RASSF3: variants seen among roughly 807,000 people sequenced by gnomAD.
The protein encoded by RASSF3 is Ras association domain family member 3.
RASSF3 carries 19 observed loss-of-function variants against 19.9 expected under a neutral mutation model. The ratio of observed to expected loss-of-function variants is 0.96; its 90% CI spans 0.67 to 1.40. The LOEUF (loss-of-function observed/expected upper bound fraction) is 1.40, where lower values mean the gene tolerates loss of function less well. Among genes scored for constraint, RASSF3 ranks in the 40% most tolerant of loss-of-function variants. The pLI, the probability that RASSF3 is intolerant of heterozygous loss-of-function variation, is 0.00. For synonymous variants in RASSF3, 110 were observed against 104.2 expected, an observed-to-expected ratio of 1.06 and a Z score of -0.34; for missense variants, 306 against 289.8, an observed-to-expected ratio of 1.06 and a Z score of -0.41.
intron 1 of RASSF3, among the ~76,000 whole-genome samples, chr12:64,509,762 CT>C (rs1261781223): frequency 6.6e-6 from 1 of 152,054 alleles, no homozygotes; most frequent in African/African-American, 2.4e-5. Context: ...TTCCAACAAT[CT>C]TTTTACTTAT....
At chr12:64,607,575 A>C (rs1366612429), upstream of RASSF3, among the ~76,000 whole-genome samples, 1 of 151,990 alleles carries the variant, frequency 6.6e-6, no homozygotes, top group Non-Finnish European at 1.5e-5. Context: ...GGGTTTCACC[A>C]TGTTGGTCAG....
intron 2 of RASSF3, among the ~76,000 whole-genome samples, chr12:64,572,690 G>A (rs1476297952): frequency 1.3e-5 from 2 of 152,100 alleles, no homozygotes; most frequent in East Asian, 1.9e-4. Flanking sequence ...ATGTACGAAC[G>A]AAGCTTGAAG....
At chr12:64,620,691 A>C (rs934699207) in intron 1 of RASSF3, among the ~76,000 whole-genome samples, 1 of 152,152 alleles carries the variant, frequency 6.6e-6, no homozygotes, top group African/African-American at 2.4e-5. Flanking sequence ...ACTAATAAAT[A>C]CCTTGAGCAT....
At chr12:64,549,669 T>C (rs2136120177) in intron 2 of RASSF3, among the ~76,000 whole-genome samples, 1 of 152,208 alleles carries the variant, frequency 6.6e-6, no homozygotes, top group East Asian at 1.9e-4. Flanking sequence ...TGGGGGGTGT[T>C]GACATGGCGG....
upstream of RASSF3, among the ~76,000 whole-genome samples, chr12:64,530,880 GT>G (rs1316323779): frequency 6.6e-6 from 1 of 152,062 alleles, no homozygotes; most frequent in Non-Finnish European, 1.5e-5. Context: ...TGTGAAGTCT[GT>G]TTATGTATTT....
Position 64,568,419 on chromosome 12 carries a change from T to C in RASSF3, c.294+26714T>C, listed in dbSNP as rs184677991. On this transcript the variant is annotated intron_variant, in intron 2 of 5. Transcript: ENST00000637125. ...GTTTATTTGAACCATTTGTTTGCCT[T>C]TCTTCTATTACAACAGAGGCCTTGA... is the stretch of plus-strand genomic sequence containing the variant. 2.6e-4 allele frequency among the ~76,000 whole-genome samples: 39 copies of C among 152,326 alleles called. 1 individual carries two copies. Among genetic ancestry groups the C allele is most frequent in the Admixed American group, 3.3e-4 (5 of 15,292 alleles).
At chr12:64,597,859 C>G (rs1379025143) in intron 2 of RASSF3, among the ~76,000 whole-genome samples, 1 of 152,136 alleles carries the variant, frequency 6.6e-6, no homozygotes, top group East Asian at 1.9e-4. Context: ...TCTTACGTAT[C>G]CTTCTCCTTT....
intron 1 of RASSF3, among the ~76,000 whole-genome samples, chr12:64,626,584 G>T (rs559589562): frequency 2.0e-5 from 3 of 152,124 alleles, no homozygotes; most frequent in East Asian, 1.9e-4. Flanking sequence ...TTGAGACAGG[G>T]TCTCGCTGTG....
At chr12:64,628,878 G>A (rs1871079697) in intron 1 of RASSF3, among the ~76,000 whole-genome samples, 1 of 152,032 alleles carries the variant, frequency 6.6e-6, no homozygotes. Context: ...GAAACTTTCA[G>A]CAAGTTAAAT....
intron 2 of RASSF3, among the ~76,000 whole-genome samples, chr12:64,581,589 T>C (rs2136135488): frequency 6.6e-6 from 1 of 152,124 alleles, no homozygotes; most frequent in Middle Eastern, 3.4e-3. Flanking sequence ...TATGGTGGTG[T>C]ATGCCTGCGG....
At chr12:64,530,195 G>A (rs976690562), upstream of RASSF3, among the ~76,000 whole-genome samples, 1 of 152,088 alleles carries the variant, frequency 6.6e-6, no homozygotes, top group Non-Finnish European at 1.5e-5. Flanking sequence ...TAAATGGAAT[G>A]ATATAATATA....
At chr12:64,532,977 C>G (rs1292178095), upstream of RASSF3, among the ~76,000 whole-genome samples, 1 of 152,186 alleles carries the variant, frequency 6.6e-6, no homozygotes, top group Non-Finnish European at 1.5e-5. Context: ...AGGCCTTAAC[C>G]ACCTCCACAG....
chr12:64,633,999 T>G (rs1416295281), intron 1 of RASSF3, among the ~76,000 whole-genome samples: 1 of 152,024 alleles, frequency 6.6e-6, no homozygotes, highest in Admixed American at 6.6e-5. Context: ...CTGGGCATGG[T>G]GACATGTCCC....
chr12:64,617,201 AT>A (rs1870582181), intron 1 of RASSF3, among the ~76,000 whole-genome samples: 1 of 152,212 alleles, frequency 6.6e-6, no homozygotes, highest in Non-Finnish European at 1.5e-5. Context: ...GGTAGTAGTG[AT>A]TTAAAATGGG....
chr12:64,623,611 A>AGGT (rs1424728719), intron 1 of RASSF3, among the ~76,000 whole-genome samples: 1 of 152,148 alleles, frequency 6.6e-6, no homozygotes, highest in Non-Finnish European at 1.5e-5. Context: ...TTTAGGTGGA[A>AGGT]GGTACAGCCC....
chr12:64,551,755 C>G (rs1869167690), intron 2 of RASSF3, among the ~76,000 whole-genome samples: 1 of 152,118 alleles, frequency 6.6e-6, no homozygotes, highest in African/African-American at 2.4e-5. Context: ...TCCATTTAGC[C>G]TAGAACTTGG....
intron 1 of RASSF3, among the ~76,000 whole-genome samples, chr12:64,669,769 C>T (rs1354108060): frequency 6.6e-6 from 1 of 151,330 alleles, no homozygotes; most frequent in African/African-American, 2.4e-5. Flanking sequence ...CCTTTCCTCC[C>T]AGCCTCGGGC....
chr12:64,596,460 C>T (rs1293595536), intron 2 of RASSF3, among the ~76,000 whole-genome samples: 1 of 152,146 alleles, frequency 6.6e-6, no homozygotes, highest in African/African-American at 2.4e-5. Flanking sequence ...GCAGGCTGTA[C>T]AAGCATGGCA....
chr12:64,590,691 T>C (rs979568308), intron 2 of RASSF3, among the ~76,000 whole-genome samples: 4 of 152,212 alleles, frequency 2.6e-5, no homozygotes, highest in African/African-American at 9.6e-5. Context: ...CTGTATATGA[T>C]AGTTGGTAGC....
Sources: gnomAD v4.1 joint callset for allele counts (sites outside exome capture counted in the v4.1 genomes callset) on GRCh38, gnomAD v4.1.1 for gene constraint, MANE v1.5 for transcripts, NCBI Gene and HGNC (gene_info 2026-07-23, HGNC 2026-07-21) for gene names.